KIAA0753: variants seen among roughly 807,000 people sequenced by gnomAD.
The protein encoded by KIAA0753 is KIAA0753.
Under a neutral mutation model 116.9 loss-of-function variants are expected in KIAA0753, and 114 were observed. That is an observed-to-expected ratio of 0.98 (90% CI 0.84 to 1.14). The LOEUF (loss-of-function observed/expected upper bound fraction) is 1.14. Among genes scored for constraint, KIAA0753 ranks in the 50% most tolerant of loss-of-function variants. The pLI is 0.00. For missense variants in KIAA0753, 1,156 were observed against 1,172.4 expected, an observed-to-expected ratio of 0.99 and a Z score of 0.20; for synonymous variants, 405 against 413.1, an observed-to-expected ratio of 0.98 and a Z score of 0.24.
Position 6,600,387 on chromosome 17 carries a change from T to C in KIAA0753, c.2081A>G (p.Lys694Arg), listed in dbSNP as rs1289921883. ...VLDRLKPLLV[K>R]AQRVNSTTEA... ...ACGAACTAGATAGATTACCTGGGCC[T>C]TGACCAAGAGAGGCTTCAAACGATC... The change falls in exon 13 of 19, where the codon AAG (lysine) becomes AGG (arginine). Residue 694 changes from lysine to arginine, a missense_variant. Lys to Arg is a conservative substitution (Grantham distance 26, BLOSUM62 2). Transcript: ENST00000361413. 3.1e-6 allele frequency: 5 copies of C among 1,613,536 alleles called. No homozygotes were observed. Among genetic ancestry groups the C allele is most frequent in the South Asian group, 1.1e-5 (1 of 91,068 alleles).
intron 16 of KIAA0753, among the ~76,000 whole-genome samples, chr17:6,593,787 G>A (rs979973892): frequency 2.6e-5 from 4 of 152,212 alleles, no homozygotes; most frequent in Admixed American, 2.6e-4. Flanking sequence ...GGGAGGCTGA[G>A]GCAACAAGAA....
chr17:6,619,299 G>C (rs992072668), intron 7 of KIAA0753, among the ~76,000 whole-genome samples: 1 of 152,112 alleles, frequency 6.6e-6, no homozygotes, highest in Non-Finnish European at 1.5e-5. Flanking sequence ...TAACTCAAGG[G>C]GGTAATTTCT....
chr17:6,605,401 A>C (rs889969493), intron 12 of KIAA0753, among the ~76,000 whole-genome samples: 1 of 152,152 alleles, frequency 6.6e-6, no homozygotes, highest in Non-Finnish European at 1.5e-5. Flanking sequence ...GGCCCTCCAG[A>C]TGGAGGACGC....
intron 7 of KIAA0753, among the ~76,000 whole-genome samples, chr17:6,619,347 T>C (rs1321980349): frequency 1.3e-5 from 2 of 152,180 alleles, no homozygotes; most frequent in East Asian, 1.9e-4. Context: ...ACCTGGATAG[T>C]AGTTATACAG....
At chr17:6,610,249 C>T in intron 8 of KIAA0753, 89 bp from the exon 9 acceptor site, 1 of 1,265,108 alleles carries the variant, frequency 7.9e-7, no homozygotes, top group Admixed American at 2.1e-5. Context: ...CCAAGTTCTC[C>T]ATGTTATTCA....
intron 7 of KIAA0753, among the ~76,000 whole-genome samples, chr17:6,615,878 C>T (rs1970892401): frequency 6.6e-6 from 1 of 152,092 alleles, no homozygotes; most frequent in African/African-American, 2.4e-5. Context: ...AAAACTGCAC[C>T]AGCCAACTAT....
intron 3 of KIAA0753, among the ~76,000 whole-genome samples, chr17:6,626,428 T>G (rs982895461): frequency 1.3e-5 from 2 of 152,214 alleles, no homozygotes; most frequent in Non-Finnish European, 2.9e-5. Context: ...AGATGCAGTC[T>G]CAAGAGACCC....
chr17:6,610,027 G>C lies in KIAA0753; in HGVS notation c.1679C>G (p.Pro560Arg), dbSNP rs757175503. Residue 560 changes from proline to arginine, a missense_variant, in exon 9 of 19, where the codon CCA (proline) becomes CGA (arginine). Pro to Arg is a moderately radical substitution (Grantham distance 103). Transcript: ENST00000361413. Reference protein sequence around the residue: ...VKDRKAPWIPPNPTSPPASPK... With the variant: ...VKDRKAPWIPRNPTSPPASPK... ...AGACGCTGGTGGGGATGTGGGGTTT[G>C]GGGGTATCCATGGTGCCTTGCGGTC... The C allele has an allele frequency of 3.1e-6, 5 of 1,614,076 alleles. No homozygotes were observed. The highest frequency in any genetic ancestry group is 1.7e-4 in the Middle Eastern group (1 of 6,058).
At chr17:6,625,441 C>A (rs565432560) in intron 3 of KIAA0753, among the ~76,000 whole-genome samples, 1 of 152,004 alleles carries the variant, frequency 6.6e-6, no homozygotes, top group South Asian at 2.1e-4. Flanking sequence ...CTGAGATGGG[C>A]GGATCACCTG....
intron 8 of KIAA0753, among the ~76,000 whole-genome samples, chr17:6,611,557 G>T (rs1193633896): frequency 1.3e-5 from 2 of 152,022 alleles, no homozygotes; most frequent in African/African-American, 2.4e-5. Context: ...TTCCCAAATT[G>T]CTGGGATTAT....
At position 6,628,861 on chromosome 17, in the gene KIAA0753, T is replaced by C. The variant is rs1971851139; in HGVS notation, c.94-120A>G. On this transcript the variant is annotated intron_variant, in intron 2 of 18. Transcript: ENST00000361413. ...CAGATCATTAGTGCTAAGAGGCATT[T>C]TTCTGTTTTACTGATAGACACAGCC... 8.3e-6 allele frequency: 8 copies of C among 968,926 alleles called. No homozygotes were observed. In the South Asian group the frequency reaches 1.4e-4, roughly 17 times the overall value. 60.0% of individuals were successfully genotyped at this position (968,926 alleles called of 1,614,324 possible). A position where few individuals can be genotyped will look rare whatever the true frequency, so the allele number is the denominator to read the frequency against.
Position 6,579,634 on chromosome 17 carries a change from C to T in KIAA0753, c.*113G>A. 1 of 733,324 alleles carries T rather than the reference C, an allele frequency of 1.4e-6. No homozygotes were observed. The allele number at this position is 733,324 out of a possible 1,614,324, so 45.4% of individuals were successfully genotyped here. A position where few individuals can be genotyped will look rare whatever the true frequency, so the allele number is the denominator to read the frequency against. On this transcript the variant is annotated 3_prime_UTR_variant, in exon 19 of 19. Coordinates refer to ENST00000361413, the MANE Select transcript of KIAA0753 (RefSeq NM_014804.3). The stretch of plus-strand genomic sequence containing the variant: ...GCACTGCCTTCCTTTCAGTGGGCAG[C>T]ACCTTCTGGGCCTGGATGGACAGCT...
intron 7 of KIAA0753, among the ~76,000 whole-genome samples, chr17:6,620,378 C>T (rs2150876272): frequency 6.6e-6 from 1 of 150,938 alleles, no homozygotes; most frequent in Admixed American, 6.6e-5. Context: ...CTAACAATTC[C>T]ACTTCTTAGA....
chr17:6,587,892 G>A lies in KIAA0753; in HGVS notation c.2786+1887C>T, dbSNP rs116336227. 8.1e-3 allele frequency among the ~76,000 whole-genome samples: 1,233 copies of A among 152,216 alleles called. 11 individuals are homozygous for A. The highest frequency in any genetic ancestry group is 0.028 in the African/African-American group (1,173 of 41,532). On this transcript the variant is annotated intron_variant, in intron 18 of 18. Coordinates refer to ENST00000361413, the MANE Select transcript of KIAA0753 (RefSeq NM_014804.3). ...TGCCCAAGATTTTCAGAAGATAAACGCACACAGAAGAATCATAACTGATTT... is the reference window on the plus strand; with the variant it reads ...TGCCCAAGATTTTCAGAAGATAAACACACACAGAAGAATCATAACTGATTT...
chr17:6,590,718 C>A lies in KIAA0753; in HGVS notation c.2441-88G>T, dbSNP rs538925298. 1.4e-5 allele frequency: 20 copies of A among 1,427,992 alleles called. No homozygotes were observed. In the African/African-American group the frequency reaches 2.1e-4, roughly 15 times the overall value. The allele number at this position is 1,427,992 out of a possible 1,614,324, so 88.5% of individuals were successfully genotyped here. A position where few individuals can be genotyped will look rare whatever the true frequency, so the allele number is the denominator to read the frequency against. ...GTTCTAGTGGCCAAGAACCTGAGAG[C>A]AAGTTACATGGACATCTCTTAAGCA... On this transcript the variant is annotated intron_variant, in intron 16 of 18. Coordinates refer to ENST00000361413, the MANE Select transcript of KIAA0753 (RefSeq NM_014804.3).
chr17:6,609,901 C>T, intron 9 of KIAA0753, 93 bp downstream of exon 9: 2 of 1,387,952 alleles, frequency 1.4e-6, no homozygotes, highest in African/African-American at 1.4e-5. Flanking sequence ...AAGGCTACTA[C>T]TTAATTTGCT....
chr17:6,613,323 A>G lies in KIAA0753; in HGVS notation c.1316-1175T>C, dbSNP rs375764704. ...AATTGTTTTCATGAATGAAAAGACCATAAAGATGTCAGTTCTCCCCCAAAA... is the reference window on the plus strand; with the variant it reads ...AATTGTTTTCATGAATGAAAAGACCGTAAAGATGTCAGTTCTCCCCCAAAA... On this transcript the variant is annotated intron_variant, in intron 7 of 18. Coordinates refer to ENST00000361413, the MANE Select transcript of KIAA0753 (RefSeq NM_014804.3). 7.9e-5 allele frequency among the ~76,000 whole-genome samples: 12 copies of G among 152,362 alleles called. No individual in the cohort carries two copies. The South Asian group carries it at 1.2e-3, about 16-fold the overall frequency.
In KIAA0753 at chr17:6,611,962, A is replaced by T; in HGVS notation, c.1502T>A (p.Val501Glu). The change falls in exon 8 of 19, where the codon GTG becomes GAG. Residue 501 changes from valine (V) to glutamate (E), a missense_variant. Physicochemically the swap from Val to Glu is moderately radical, Grantham distance 121 (BLOSUM62 -2). Transcript: ENST00000361413. ...CAGAGTATCTTTCTTCCTAAACGGCACATTCTCAGTCACAGGCTTCTTTTT... is the reference window on the plus strand; with the variant it reads ...CAGAGTATCTTTCTTCCTAAACGGCTCATTCTCAGTCACAGGCTTCTTTTT... ...AGKKKPVTENVPFRKKDTLAP... is the reference protein window; with the variant it reads ...AGKKKPVTENEPFRKKDTLAP... The T allele has an allele frequency of 6.2e-7, 1 of 1,614,090 alleles. No homozygotes were observed. Among genetic ancestry groups the T allele is most frequent in the Non-Finnish European group, 8.5e-7 (1 of 1,180,020 alleles).
intron 8 of KIAA0753, among the ~76,000 whole-genome samples, chr17:6,611,545 G>A (rs915405356): frequency 2.0e-5 from 3 of 152,098 alleles, no homozygotes; most frequent in East Asian, 1.9e-4. Context: ...CAATCCTCTC[G>A]CTTCCCAAAT....
Sources: allele counts gnomAD v4.1 joint callset (sites outside exome capture counted in the v4.1 genomes callset), GRCh38; gene constraint gnomAD v4.1.1; transcripts MANE v1.5; gene names NCBI Gene and HGNC (gene_info 2026-07-23, HGNC 2026-07-21).